NRCAM: variants seen among roughly 807,000 people sequenced by gnomAD.
NRCAM encodes neuronal cell adhesion molecule, also known as NgCAM-related cell adhesion molecule.
NRCAM carries 83 observed loss-of-function variants against 156.5 expected under a neutral mutation model. That is an observed-to-expected ratio of 0.53 (90% CI 0.44 to 0.64). The LOEUF is 0.64. NRCAM is among the 30% of genes least tolerant of loss of function. NRCAM has a pLI of 0.00. For synonymous variants in NRCAM, 538 were observed against 563.9 expected (o/e 0.95, Z 0.65); for missense variants, 1,417 against 1,597.3 (o/e 0.89, Z 1.92).
At chr7:108,312,641 T>C (rs2098818570) in intron 3 of NRCAM, 24 bp downstream of exon 3, 1 of 152,226 alleles carries the variant, frequency 6.6e-6, no homozygotes, top group Non-Finnish European at 1.5e-5. Flanking sequence ...CGAATTCAAA[T>C]GTTTTGAGAA....
intron 1 of NRCAM, among the ~76,000 whole-genome samples, chr7:108,430,373 T>A (rs1490355918): frequency 6.6e-6 from 1 of 151,940 alleles, no homozygotes; most frequent in Non-Finnish European, 1.5e-5. Context: ...ATAGAACTAG[T>A]GGTGATGGAG....
chr7:108,356,807 A>G (rs908736684), intron 2 of NRCAM, among the ~76,000 whole-genome samples: 27 of 152,208 alleles, frequency 1.8e-4, no homozygotes, highest in African/African-American at 6.0e-4. Flanking sequence ...TGAAGGCATC[A>G]TTATTTTGTG....
intron 2 of NRCAM, among the ~76,000 whole-genome samples, chr7:108,391,221 G>A: frequency 1.3e-5 from 2 of 152,110 alleles, no homozygotes; most frequent in South Asian, 4.1e-4. Context: ...TCTCTTTGTA[G>A]GTCACTAAGG....
At chr7:108,199,760 C>T (rs2076980701) in intron 13 of NRCAM, among the ~76,000 whole-genome samples, 1 of 152,174 alleles carries the variant, frequency 6.6e-6, no homozygotes, top group African/African-American at 2.4e-5. Flanking sequence ...AGGCCCTTAA[C>T]CTTAATCACA....
At chr7:108,279,995 G>A (rs2097790344) in intron 3 of NRCAM, among the ~76,000 whole-genome samples, 1 of 152,184 alleles carries the variant, frequency 6.6e-6, no homozygotes, top group African/African-American at 2.4e-5. Flanking sequence ...CACATGTTCA[G>A]CTGCACACTC....
chr7:108,204,165 C>T (rs1337740902), intron 13 of NRCAM, among the ~76,000 whole-genome samples: 1 of 152,150 alleles, frequency 6.6e-6, no homozygotes, highest in Non-Finnish European at 1.5e-5. Flanking sequence ...GGACAATTAC[C>T]AAGAAGGGGA....
chr7:108,328,071 C>T (rs1438917347), intron 2 of NRCAM, among the ~76,000 whole-genome samples: 1 of 152,172 alleles, frequency 6.6e-6, no homozygotes, highest in Non-Finnish European at 1.5e-5. Context: ...ACCCTGATGA[C>T]AAACAAACAT....
intron 3 of NRCAM, among the ~76,000 whole-genome samples, chr7:108,285,836 T>C (rs1417676652): frequency 6.6e-6 from 1 of 152,226 alleles, no homozygotes; most frequent in African/African-American, 2.4e-5. Context: ...CCCATCCACA[T>C]AGTTACCTTA....
rs1338242335 is a variant in NRCAM, at chr7:108,331,165, G to A, written c.-173-18434C>T. ...TATAATCCCAATACTTTGGGAGGCC[G>A]AGGCAGAAAGATTGCTTGAGCCCAG... On this transcript the variant is annotated intron_variant, in intron 2 of 32. Coordinates refer to ENST00000379028, the MANE Select transcript of NRCAM (RefSeq NM_001037132.4). 3.3e-5 allele frequency among the ~76,000 whole-genome samples: 5 copies of A among 152,216 alleles called. No homozygotes were observed. In the East Asian group the frequency reaches 7.7e-4, roughly 24 times the overall value.
intron 1 of NRCAM, among the ~76,000 whole-genome samples, chr7:108,427,032 C>T (rs142481812): frequency 2.0e-5 from 3 of 152,258 alleles, no homozygotes; most frequent in African/African-American, 7.2e-5. Flanking sequence ...ATTCCAACAC[C>T]GAAGCTCTGC....
intron 2 of NRCAM, among the ~76,000 whole-genome samples, chr7:108,344,142 G>C (rs1448021961): frequency 6.6e-6 from 1 of 152,144 alleles, no homozygotes; most frequent in African/African-American, 2.4e-5. Context: ...AACAGCATTT[G>C]GGTTTTCCTG....
chr7:108,149,857 G>C lies in NRCAM; in HGVS notation c.*53C>G. 10 of 1,439,408 alleles carry C rather than the reference G, an allele frequency of 6.9e-6. No homozygotes were observed. The highest frequency in any genetic ancestry group is 9.6e-6 in the Non-Finnish European group (10 of 1,045,048). 89.2% of individuals were successfully genotyped at this position (1,439,408 alleles called of 1,614,324 possible). A position where few individuals can be genotyped will look rare whatever the true frequency, so the allele number is the denominator to read the frequency against. On this transcript the variant is annotated 3_prime_UTR_variant, in exon 33 of 33. Coordinates refer to ENST00000379028, the MANE Select transcript of NRCAM (RefSeq NM_001037132.4). The stretch of plus-strand genomic sequence containing the variant: ...ATAGTATGAGAGGGCTGACAAACAA[G>C]TGCTTAGGATAAACATTCTAGAGAA...
intron 30 of NRCAM, among the ~76,000 whole-genome samples, chr7:108,164,890 T>C (rs2052815772): frequency 6.6e-6 from 1 of 152,192 alleles, no homozygotes; most frequent in South Asian, 2.1e-4. Flanking sequence ...CCTCAAACTA[T>C]CTGGCAGTTG....
At chr7:108,356,721 C>T (rs945978274) in intron 2 of NRCAM, among the ~76,000 whole-genome samples, 11 of 152,140 alleles carry the variant, frequency 7.2e-5, no homozygotes, top group African/African-American at 2.7e-4. Flanking sequence ...ATTAGAACTC[C>T]ATAGAGGTTG....
chr7:108,181,601 A>G (rs2063503895), intron 24 of NRCAM, among the ~76,000 whole-genome samples: 1 of 129,570 alleles, frequency 7.7e-6, no homozygotes, highest in East Asian at 2.7e-4. Flanking sequence ...CATCAGTGGG[A>G]AAAATGGAGA....
At chr7:108,181,198 A>G (rs951822858) in intron 24 of NRCAM, among the ~76,000 whole-genome samples, 5 of 151,396 alleles carry the variant, frequency 3.3e-5, no homozygotes, top group Admixed American at 6.6e-5. Context: ...CTAGGGGGAA[A>G]AAAAAAAAGT....
intron 3 of NRCAM, among the ~76,000 whole-genome samples, chr7:108,270,114 TC>T: frequency 6.6e-6 from 1 of 152,228 alleles, no homozygotes; most frequent in East Asian, 1.9e-4. Context: ...TCACTCTTAT[TC>T]CTATTTTGTA....
At chr7:108,167,580 T>C (rs769628663) in intron 29 of NRCAM, among the ~76,000 whole-genome samples, 1 of 152,236 alleles carries the variant, frequency 6.6e-6, no homozygotes, top group Non-Finnish European at 1.5e-5. Context: ...TCTAAAAACA[T>C]TTACTTGCAT....
At chr7:108,191,052 G>A (rs1314827304) in intron 19 of NRCAM, among the ~76,000 whole-genome samples, 2 of 152,202 alleles carry the variant, frequency 1.3e-5, no homozygotes, top group African/African-American at 4.8e-5. Flanking sequence ...GAAAGAACTG[G>A]CAACGAACTT....
Sources: allele counts gnomAD v4.1 joint callset (sites outside exome capture counted in the v4.1 genomes callset), GRCh38; gene constraint gnomAD v4.1.1; transcripts MANE v1.5; gene names NCBI Gene and HGNC (gene_info 2026-07-23, HGNC 2026-07-21).